The following RABGAP1L variants were observed in gnomAD, a reference collection of about 807,000 sequenced individuals.
The protein encoded by RABGAP1L is RAB GTPase activating protein 1 like, also known as rab GTPase-activating protein 1-like.
RABGAP1L carries 63 observed loss-of-function variants against 137.7 expected under a neutral mutation model. The ratio of observed to expected loss-of-function variants is 0.46; its 90% CI spans 0.37 to 0.56. The LOEUF (loss-of-function observed/expected upper bound fraction) is 0.56. RABGAP1L is among the 20% of genes least tolerant of loss of function. RABGAP1L has a pLI of 0.00. For missense variants in RABGAP1L, 1,095 were observed against 1,244.0 expected (o/e 0.88, Z 1.80); for synonymous variants, 431 against 433.7 (o/e 0.99, Z 0.08).
intron 20 of RABGAP1L, among the ~76,000 whole-genome samples, chr1:174,968,521 T>C (rs1364268497): frequency 2.0e-5 from 3 of 151,968 alleles, no homozygotes; most frequent in Non-Finnish European, 2.9e-5. Context: ...TTCTTTCTTT[T>C]TGTTTGTTTG....
chr1:174,951,011 CTG>C (rs1238517069), intron 19 of RABGAP1L, among the ~76,000 whole-genome samples: 1 of 152,206 alleles, frequency 6.6e-6, no homozygotes, highest in Non-Finnish European at 1.5e-5. Context: ...AATGTTAAAA[CTG>C]AGCACAGGAG....
chr1:174,929,683 C>G (rs1258085377), intron 19 of RABGAP1L, among the ~76,000 whole-genome samples: 2 of 151,506 alleles, frequency 1.3e-5, no homozygotes, highest in African/African-American at 4.9e-5. Flanking sequence ...GTCGAGGCTA[C>G]AGTGAGCTAT....
At chr1:174,880,639 G>A (rs1165055183) in intron 19 of RABGAP1L, among the ~76,000 whole-genome samples, 1 of 148,410 alleles carries the variant, frequency 6.7e-6, no homozygotes, top group African/African-American at 2.5e-5. Flanking sequence ...ACCAAGGCCT[G>A]AGTGCAGTGG....
At chr1:174,237,096 G>T (rs1671265063) in intron 4 of RABGAP1L, among the ~76,000 whole-genome samples, 1 of 150,414 alleles carries the variant, frequency 6.6e-6, no homozygotes. Context: ...TGCAACCCCT[G>T]TCTTTTTTTG....
intron 18 of RABGAP1L, among the ~76,000 whole-genome samples, chr1:174,766,008 C>A (rs1336971358): frequency 6.6e-6 from 1 of 152,086 alleles, no homozygotes; most frequent in Non-Finnish European, 1.5e-5. Context: ...GAAATAGAAT[C>A]TTTAAAGAGG....
At chr1:174,206,041 G>T (rs901313057) in intron 1 of RABGAP1L, among the ~76,000 whole-genome samples, 2 of 152,090 alleles carry the variant, frequency 1.3e-5, no homozygotes, top group Non-Finnish European at 2.9e-5. Flanking sequence ...CTCTCTCACT[G>T]CACACTGTCA....
chr1:174,660,306 C>T (rs941277343), intron 14 of RABGAP1L, among the ~76,000 whole-genome samples: 1 of 152,158 alleles, frequency 6.6e-6, no homozygotes, highest in Non-Finnish European at 1.5e-5. Flanking sequence ...ATAAGCCCAG[C>T]ACAGACTGTG....
At chr1:174,541,495 G>T (rs1665423418) in intron 13 of RABGAP1L, among the ~76,000 whole-genome samples, 1 of 151,916 alleles carries the variant, frequency 6.6e-6, no homozygotes, top group South Asian at 2.1e-4. Flanking sequence ...GAGTTTTTAG[G>T]CCGGGTGCGG....
intron 14 of RABGAP1L, among the ~76,000 whole-genome samples, chr1:174,672,275 T>C (rs113646273): frequency 1.2e-4 from 16 of 131,014 alleles, no homozygotes; most frequent in Admixed American, 3.1e-4. Flanking sequence ...ATTTTTTTTT[T>C]CCTTTCTTTT....
At chr1:174,358,295 C>T (rs10912768) in intron 11 of RABGAP1L, among the ~76,000 whole-genome samples, 1 of 152,016 alleles carries the variant, frequency 6.6e-6, no homozygotes, top group Non-Finnish European at 1.5e-5. Context: ...TCCATTTATG[C>T]AAATGAAAGA....
At chr1:174,205,517 G>A (rs1668446224) in intron 1 of RABGAP1L, among the ~76,000 whole-genome samples, 1 of 152,006 alleles carries the variant, frequency 6.6e-6, no homozygotes, top group Non-Finnish European at 1.5e-5. Flanking sequence ...AGTCTTGGGA[G>A]GACATATGTG....
chr1:174,394,260 G>T (rs1647543688), intron 13 of RABGAP1L, 115 bp downstream of exon 13: 1 of 1,227,746 alleles, frequency 8.1e-7, no homozygotes, highest in East Asian at 2.4e-5. Flanking sequence ...ATATATTGAG[G>T]TCGTGAAGTC....
intron 13 of RABGAP1L, among the ~76,000 whole-genome samples, chr1:174,413,607 G>T (rs143982303): frequency 6.6e-6 from 1 of 151,908 alleles, no homozygotes; most frequent in African/African-American, 2.4e-5. Context: ...TTTCTCGCAG[G>T]TATGATTGTT....
At chr1:174,824,529 G>A (rs983730540) in intron 19 of RABGAP1L, among the ~76,000 whole-genome samples, 1 of 151,922 alleles carries the variant, frequency 6.6e-6, no homozygotes, top group African/African-American at 2.4e-5. Flanking sequence ...ATGAAACTTA[G>A]GTGTTTCAGA....
intron 13 of RABGAP1L, among the ~76,000 whole-genome samples, chr1:174,431,694 G>A (rs1191020125): frequency 6.6e-6 from 1 of 152,258 alleles, no homozygotes; most frequent in African/African-American, 2.4e-5. Context: ...ATAGAGTTAT[G>A]TATTATTTTT....
chr1:174,430,308 A>C (rs1468057090), intron 13 of RABGAP1L, among the ~76,000 whole-genome samples: 1 of 151,858 alleles, frequency 6.6e-6, no homozygotes, highest in Non-Finnish European at 1.5e-5. Context: ...GGAGGAGGCA[A>C]GATCGCACCA....
intron 17 of RABGAP1L, among the ~76,000 whole-genome samples, chr1:174,723,232 G>A (rs1452857879): frequency 6.6e-6 from 1 of 152,008 alleles, no homozygotes; most frequent in Admixed American, 6.6e-5. Flanking sequence ...CCACCACCAC[G>A]CCTGGCTCAT....
chr1:174,893,184 G>A (rs1656548713), intron 19 of RABGAP1L: 1 of 173,992 alleles, frequency 5.7e-6, no homozygotes, highest in Non-Finnish European at 1.3e-5. Flanking sequence ...AGTTTAATTT[G>A]GCATAATTTC....
chr1:174,432,274 T>C (rs1426774585), intron 13 of RABGAP1L, among the ~76,000 whole-genome samples: 1 of 152,214 alleles, frequency 6.6e-6, no homozygotes, highest in African/African-American at 2.4e-5. Flanking sequence ...TCCATTCTCC[T>C]GCAAAAGATA....
Sources: gnomAD v4.1 joint callset for allele counts (sites outside exome capture counted in the v4.1 genomes callset) on GRCh38, gnomAD v4.1.1 for gene constraint, MANE v1.5 for transcripts, NCBI Gene and HGNC (gene_info 2026-07-23, HGNC 2026-07-21) for gene names.